Variants in GSG1 observed in about 807,000 individuals in gnomAD.
GSG1 encodes the protein germ cell associated 1, also known as germ cell-specific gene 1 protein.
In GSG1, 28 loss-of-function variants were observed where a neutral mutation model predicts 30.8. That is an observed-to-expected ratio of 0.91 (90% CI 0.67 to 1.25). The LOEUF is 1.25. Ranked by LOEUF, GSG1 falls within the 50% of genes most tolerant of loss-of-function variation. The pLI is 0.00. For synonymous variants in GSG1, 162 were observed against 178.0 expected (o/e 0.91, Z 0.71); for missense variants, 435 against 444.7 (o/e 0.98, Z 0.20).
intron 6 of GSG1, among the ~76,000 whole-genome samples, chr12:13,086,421 G>A (rs935784661): frequency 2.0e-5 from 3 of 152,224 alleles, no homozygotes; most frequent in African/African-American, 7.2e-5. Context: ...CCATCACTGT[G>A]TCTTTTCAGT....
intron 1 of GSG1, 104 bp from the exon 2 acceptor site, chr12:13,090,922 C>CAT: frequency 1.1e-6 from 1 of 944,560 alleles, no homozygotes. Flanking sequence ...CCGCTCAAGC[C>CAT]ATACTCCTCC....
chr12:13,103,482 C>G lies in GSG1; in HGVS notation c.31G>C (p.Val11Leu). The G allele has an allele frequency of 6.2e-7, 1 of 1,613,904 alleles. No individual in the cohort carries two copies. The highest frequency in any genetic ancestry group is 8.5e-7 in the Non-Finnish European group (1 of 1,179,802). Residue 11 changes from valine to leucine, a missense_variant, in exon 1 of 7, where the codon GTT becomes CTT. By Grantham distance (32) the Val-to-Leu change is conservative. Transcript: ENST00000651961. MSDPSQLTQN[V>L]CLTQEMELSK... Reference sequence around the variant, plus strand: ...GTACCTACCTCCTGGGTGAGGCAAACATTTTGAGTCAGTTGAGAGGGATCG... The same window carrying G: ...GTACCTACCTCCTGGGTGAGGCAAAGATTTTGAGTCAGTTGAGAGGGATCG...
In GSG1 at chr12:13,088,983, A is replaced by G. The variant is rs999393250; in HGVS notation, c.434-74T>C. 1.4e-5 allele frequency: 22 copies of G among 1,547,642 alleles called. No homozygotes were observed. The African/African-American group carries it at 2.7e-4, about 19-fold the overall frequency. ...GGAATGAAAACCTTCCCCACCCCAT[A>G]ACTGGTACTGCTCCCTCTGCTCTGA... On this transcript the variant is annotated intron_variant, in intron 3 of 6. Coordinates refer to ENST00000651961, the MANE Select transcript of GSG1 (RefSeq NM_001080555.4).
chr12:13,086,842 A>T (rs569648739), intron 6 of GSG1, among the ~76,000 whole-genome samples: 1 of 152,342 alleles, frequency 6.6e-6, no homozygotes, highest in East Asian at 1.9e-4. Context: ...TATAAGGCCT[A>T]CAGAATCAGT....
Position 13,085,031 on chromosome 12 carries a change from T to C in GSG1, c.959A>G (p.Asn320Ser). ...GPLTSYHQYHNQPIHSVSEGV... is the reference protein window; with the variant it reads ...GPLTSYHQYHSQPIHSVSEGV... ...CTCAGAGACAGAGTGGATGGGCTGA[T>C]TATGATACTGGTGGTAGCTGGTCAA... The change falls in exon 7 of 7, where the codon AAT becomes AGT. Residue 320 changes from asparagine to serine, a missense_variant. Physicochemically the swap from Asn to Ser is conservative, Grantham distance 46. Transcript: ENST00000651961. 1 of 1,577,534 alleles carries C rather than the reference T, an allele frequency of 6.3e-7. No homozygotes were observed. Among genetic ancestry groups the C allele is most frequent in the Non-Finnish European group, 8.6e-7 (1 of 1,160,996 alleles).
intron 1 of GSG1, among the ~76,000 whole-genome samples, chr12:13,098,257 C>G (rs1212327382): frequency 6.6e-6 from 1 of 151,784 alleles, no homozygotes; most frequent in Non-Finnish European, 1.5e-5. Flanking sequence ...CTTCCCCCAC[C>G]AGTCGGCAAA....
chr12:13,097,988 A>T lies in GSG1; in HGVS notation c.48+5477T>A, dbSNP rs1234198909. Among the ~76,000 whole-genome samples, 6 of 152,284 alleles carry T rather than the reference A, an allele frequency of 3.9e-5. No individual in the cohort carries two copies. In the East Asian group the frequency reaches 1.2e-3, roughly 29 times the overall value. On this transcript the variant is annotated intron_variant, in intron 1 of 6. Transcript: ENST00000651961. ...TTCGGATCCTGCTTTTGTCACCTGT[A>T]ATGTCTGCTCTCCTCAGACTGATGT...
rs941197464 is a variant in GSG1, at chr12:13,093,320, C to G, written c.49-2502G>C. Among the ~76,000 whole-genome samples, 1 of 152,116 alleles carries G rather than the reference C, an allele frequency of 6.6e-6. No homozygotes were observed. Among genetic ancestry groups the G allele is most frequent in the Non-Finnish European group, 1.5e-5 (1 of 68,032 alleles). On this transcript the variant is annotated intron_variant, in intron 1 of 6. Transcript: ENST00000651961. This position sits in a 1 kb window ranked among gnomAD's most constrained non-coding sequence, Gnocchi z 4.6. Reference sequence around the variant, plus strand: ...ACTGACAGGTAGTAGCACTGACTTGCTGAAGCATTTGCTATTGTAACAAAG... The same window carrying G: ...ACTGACAGGTAGTAGCACTGACTTGGTGAAGCATTTGCTATTGTAACAAAG...
chr12:13,094,770 G>A (rs569761836), intron 1 of GSG1, among the ~76,000 whole-genome samples: 1 of 152,136 alleles, frequency 6.6e-6, no homozygotes, highest in African/African-American at 2.4e-5. Flanking sequence ...TTTCATTCTG[G>A]TTTGGAAATT....
chr12:13,088,040 C>T lies in GSG1; in HGVS notation c.501G>A (p.Leu167=). 6.2e-7 allele frequency: 1 copy of T among 1,614,206 alleles called. No individual in the cohort carries two copies. Among genetic ancestry groups the T allele is most frequent in the Non-Finnish European group, 8.5e-7 (1 of 1,180,024 alleles). The change falls in exon 5 of 7, where the codon CTG becomes CTA. Residue 167 remains leucine (L), a synonymous_variant. Transcript: ENST00000651961. ...PAKREILWLS[L]GTQITYIGLQ... ...GTCCGATGTAGGTGATCTGCGTTCC[C>T]AGGGATAACCATAGGATTTCTGCCA...
chr12:13,099,762 T>TTTTTTTTG (rs1565551377), intron 1 of GSG1, among the ~76,000 whole-genome samples: 2 of 148,264 alleles, frequency 1.3e-5, no homozygotes, highest in African/African-American at 5.0e-5. Context: ...TTTTTTTTTT[T>TTTTTTTTG]TTTTTTGTTT....
At chr12:13,092,993 A>C (rs1215991707) in intron 1 of GSG1, among the ~76,000 whole-genome samples, 3 of 151,290 alleles carry the variant, frequency 2.0e-5, no homozygotes, top group Non-Finnish European at 4.4e-5. Flanking sequence ...ACGGGGTTTC[A>C]CCATATTGGC....
chr12:13,099,750 G>GTTT (rs57762367), intron 1 of GSG1, among the ~76,000 whole-genome samples: 21 of 114,824 alleles, frequency 1.8e-4, no homozygotes, highest in East Asian at 3.3e-4. Context: ...GTTTTTTTTT[G>GTTT]TTTTTTTTTT....
chr12:13,096,374 T>G (rs1182768613), intron 1 of GSG1, among the ~76,000 whole-genome samples: 1 of 148,724 alleles, frequency 6.7e-6, no homozygotes, highest in Non-Finnish European at 1.5e-5. Context: ...CTCGGGAGGC[T>G]GAGGCAGGAG....
intron 1 of GSG1, among the ~76,000 whole-genome samples, chr12:13,098,340 G>A (rs1591659228): frequency 2.0e-5 from 3 of 150,642 alleles, no homozygotes; most frequent in South Asian, 2.1e-4. Flanking sequence ...CATCCTCCCT[G>A]CCTGCTAATC....
rs766256339 is a variant in GSG1, at chr12:13,090,610, G to A, written c.257C>T (p.Thr86Ile). The A allele has an allele frequency of 2.5e-6, 4 of 1,614,198 alleles. No individual in the cohort carries two copies. In the South Asian group the frequency reaches 4.4e-5, roughly 18 times the overall value. ...CCAGTTGTATTGTACCACCTCCTGGGTGGATGTGTTGGTATCTCCATCCAG... is the reference window on the plus strand; with the variant it reads ...CCAGTTGTATTGTACCACCTCCTGGATGGATGTGTTGGTATCTCCATCCAG... ...VSLDGDTNTS[T>I]QEVVQYNWET... Residue 86 changes from threonine to isoleucine, a missense_variant, in exon 2 of 7, where the codon ACC becomes ATC. Thr to Ile is a moderately conservative substitution (Grantham distance 89). Transcript: ENST00000651961.
At chr12:13,088,712 C>T (rs1398940397) in intron 4 of GSG1, 150 bp downstream of exon 4, 1 of 1,602,494 alleles carries the variant, frequency 6.2e-7, no homozygotes. Context: ...ATGGTAACTA[C>T]TGTAAATTCC....
intron 1 of GSG1, among the ~76,000 whole-genome samples, chr12:13,097,586 AT>A (rs1862826982): frequency 6.6e-6 from 1 of 152,174 alleles, no homozygotes; most frequent in African/African-American, 2.4e-5. Flanking sequence ...TCTCACTTTC[AT>A]TTTAGAGCAG....
intron 1 of GSG1, among the ~76,000 whole-genome samples, chr12:13,097,042 A>ATTGTGCCAC (rs1331146557): frequency 3.4e-4 from 52 of 152,132 alleles, no homozygotes; most frequent in African/African-American, 1.2e-3. Flanking sequence ...GTGAGCCGAG[A>ATTGTGCCAC]TTGTGCCACT....
Sources: gnomAD v4.1 joint callset for allele counts (sites outside exome capture counted in the v4.1 genomes callset) on GRCh38, gnomAD v4.1.1 for gene constraint, Gnocchi (gnomAD v3.1) non-coding constraint, MANE v1.5 for transcripts, NCBI Gene and HGNC (gene_info 2026-07-23, HGNC 2026-07-21) for gene names.